DNHD1: variants seen among roughly 807,000 people sequenced by gnomAD.
DNHD1 encodes the protein dynein heavy chain domain-containing protein 1.
DNHD1 carries 383 observed loss-of-function variants against 458.1 expected under a neutral mutation model. The observed-to-expected ratio is 0.84, with a 90% CI of 0.77 to 0.91. The LOEUF is 0.91. Among genes scored for constraint, DNHD1 ranks in the 40% least tolerant of loss-of-function variants. The pLI, the probability that DNHD1 is intolerant of heterozygous loss-of-function variation, is 0.00. For synonymous variants in DNHD1, 2,203 were observed against 2,376.9 expected (o/e 0.93, Z 2.13); for missense variants, 5,336 against 5,866.1 (o/e 0.91, Z 2.95).
chr11:6,521,007 C>A, intron 10 of DNHD1: 1 of 325,070 alleles, frequency 3.1e-6, no homozygotes, highest in Non-Finnish European at 4.4e-6. Flanking sequence ...GTGTCTTTTA[C>A]AAATTATACA....
chr11:6,552,468 G>A (rs1027331206), intron 24 of DNHD1, among the ~76,000 whole-genome samples: 8 of 152,008 alleles, frequency 5.3e-5, no homozygotes, highest in East Asian at 1.9e-4. Flanking sequence ...AGGTTGCAAC[G>A]AGCCAGGATC....
chr11:6,545,192 A>G lies in DNHD1; in HGVS notation c.4253A>G (p.Gln1418Arg), dbSNP rs776999222. ...GAGTCAAGCCCAAACACACAGACTCAGGTGGAGGCACTTGCAGTGCTAGGG... is the reference window on the plus strand; with the variant it reads ...GAGTCAAGCCCAAACACACAGACTCGGGTGGAGGCACTTGCAGTGCTAGGG... ...DWESSPNTQT[Q>R]VEALAVLGAG... Residue 1418 changes from glutamine (Q) to arginine (R), a missense_variant, in exon 21 of 43, where the codon CAG becomes CGG. By Grantham distance (43) the Gln-to-Arg change is conservative. Coordinates refer to ENST00000254579, the MANE Select transcript of DNHD1 (RefSeq NM_144666.3). This position sits in a 1 kb window ranked among gnomAD's most constrained non-coding sequence, Gnocchi z 4.9. The G allele has an allele frequency of 3.4e-5, 52 of 1,551,872 alleles. No individual in the cohort carries two copies. The highest frequency in any genetic ancestry group is 4.0e-5 in the Non-Finnish European group (46 of 1,147,070).
chr11:6,538,931 C>T (rs1220623353), intron 16 of DNHD1, 121 bp downstream of exon 16: 1 of 1,098,710 alleles, frequency 9.1e-7, no homozygotes, highest in East Asian at 2.6e-5. Context: ...TTCTCCCTAC[C>T]TTTCCCACAT....
At chr11:6,532,371 G>A (rs1276973049) in intron 12 of DNHD1, among the ~76,000 whole-genome samples, 1 of 152,122 alleles carries the variant, frequency 6.6e-6, no homozygotes, top group Non-Finnish European at 1.5e-5. Context: ...TGTTCATACT[G>A]CCAAGGGCAG....
chr11:6,544,792 A>T lies in DNHD1; in HGVS notation c.3853A>T (p.Asn1285Tyr). The T allele has an allele frequency of 6.5e-7, 1 of 1,550,294 alleles. No individual in the cohort carries two copies. Among genetic ancestry groups the T allele is most frequent in the South Asian group, 1.2e-5 (1 of 84,048 alleles). The change falls in exon 21 of 43, where the codon AAC (asparagine) becomes TAC (tyrosine). Residue 1285 changes from asparagine to tyrosine, a missense_variant and splice_region_variant. Physicochemically the swap from Asn to Tyr is moderately radical, Grantham distance 143 (BLOSUM62 -2). This residue lies in a region of DNHD1 where 3,932 missense variants were observed against 4,365.6 expected (regional missense o/e 0.90). Transcript: ENST00000254579. Reference protein sequence around the residue: ...MKIQFPNADLNSRFKVMDDQY... With the variant: ...MKIQFPNADLYSRFKVMDDQY... ...ACTTTTATCCTCTCCCTCACCACAG[A>T]ACTCTCGTTTCAAGGTCATGGATGA...
intron 24 of DNHD1, among the ~76,000 whole-genome samples, chr11:6,551,742 A>G (rs181218254): frequency 3.3e-5 from 5 of 152,208 alleles, no homozygotes; most frequent in African/African-American, 4.8e-5. Flanking sequence ...GGAGATGGAG[A>G]CCATCCTGGC....
In DNHD1 at chr11:6,508,923, G is replaced by A. The variant is rs773625042; in HGVS notation, c.964G>A (p.Glu322Lys). 1.4e-5 allele frequency: 22 copies of A among 1,613,986 alleles called. No homozygotes were observed. The highest frequency in any genetic ancestry group is 1.2e-4 in the African/African-American group (9 of 74,888). The change falls in exon 5 of 43, where the codon GAG (glutamate) becomes AAG (lysine). Residue 322 changes from glutamate (E) to lysine (K), a missense_variant. By Grantham distance (56) the Glu-to-Lys change is moderately conservative. Coordinates refer to ENST00000254579, the MANE Select transcript of DNHD1 (RefSeq NM_144666.3). Reference sequence around the variant, plus strand: ...GGTGCCACCCGACAAGGTGAATCCCGAGCACTACATCTTCTCTCCCTTTGG... The same window carrying A: ...GGTGCCACCCGACAAGGTGAATCCCAAGCACTACATCTTCTCTCCCTTTGG... ...MVVPPDKVNP[E>K]HYIFSPFGIL...
chr11:6,510,005 T>A (rs920047622), intron 6 of DNHD1, among the ~76,000 whole-genome samples: 1 of 152,220 alleles, frequency 6.6e-6, no homozygotes, highest in African/African-American at 2.4e-5. Context: ...TACCTTACAT[T>A]TCAGGATTTC....
rs1295417609 is a variant in DNHD1, at chr11:6,570,895, T to TCGCCAAGACGAGTCCGA, written c.13388_13404dup (p.Pro4469LysfsTer23). 6.2e-7 allele frequency: 1 copy of TCGCCAAGACGAGTCCGA among 1,613,778 alleles called. No homozygotes were observed. The highest frequency in any genetic ancestry group is 1.3e-5 in the African/African-American group (1 of 74,954). Reference sequence around the variant, plus strand: ...TGCAGGATCTGCTGACCCACGTGATTCGCCAAGACGAGTCCGACGCCCCGT... The same window carrying TCGCCAAGACGAGTCCGA: ...TGCAGGATCTGCTGACCCACGTGATTCGCCAAGACGAGTCCGACGCCAAGACGAGTCCGACGCCCCGT... On this transcript the variant is annotated frameshift_variant, in exon 42 of 43. Coordinates refer to ENST00000254579, the MANE Select transcript of DNHD1 (RefSeq NM_144666.3). LOFTEE classifies it high-confidence loss of function.
intron 39 of DNHD1, among the ~76,000 whole-genome samples, chr11:6,569,652 G>A (rs929059124): frequency 6.6e-6 from 1 of 152,186 alleles, no homozygotes; most frequent in Non-Finnish European, 1.5e-5. Context: ...GGCAAGCAGA[G>A]CAGCTTTAGG....
chr11:6,558,337 T>TAA, intron 25 of DNHD1, 40 bp downstream of exon 25: 1 of 1,539,568 alleles, frequency 6.5e-7, no homozygotes, highest in Non-Finnish European at 8.8e-7. Flanking sequence ...GCTCTGCTCT[T>TAA]ACGCTGTCTT....
chr11:6,513,903 G>T (rs1589868936), intron 7 of DNHD1, among the ~76,000 whole-genome samples: 1 of 152,074 alleles, frequency 6.6e-6, no homozygotes, highest in East Asian at 1.9e-4. Flanking sequence ...GAATGCAATG[G>T]TGCAATCTTG....
At chr11:6,560,356 C>T (rs143528124) in intron 28 of DNHD1, among the ~76,000 whole-genome samples, 15 of 152,268 alleles carry the variant, frequency 9.9e-5, no homozygotes, top group African/African-American at 3.4e-4. Context: ...ATATGGTTTT[C>T]ACTGTGTTTT....
intron 4 of DNHD1, chr11:6,508,454 T>C (rs1852270213): frequency 6.3e-6 from 1 of 159,250 alleles, no homozygotes; most frequent in Admixed American, 6.1e-5. Context: ...GTGTATTTTA[T>C]CATGTCTAGA....
intron 14 of DNHD1, among the ~76,000 whole-genome samples, chr11:6,538,123 G>GA (rs1388795302): frequency 6.6e-6 from 1 of 152,178 alleles, no homozygotes; most frequent in African/African-American, 2.4e-5. Flanking sequence ...GAGTGAATGA[G>GA]ATGGAGACTA....
chr11:6,512,227 T>C (rs60683815), intron 7 of DNHD1, among the ~76,000 whole-genome samples: 2 of 130,620 alleles, frequency 1.5e-5, no homozygotes, highest in Non-Finnish European at 3.2e-5. Context: ...TTTTTTTTTT[T>C]TTTTTTTTTT....
Position 6,533,828 on chromosome 11 carries a change from T to C in DNHD1, c.2653T>C (p.Ser885Pro). The C allele has an allele frequency of 6.5e-7, 1 of 1,547,866 alleles. No homozygotes were observed. Among genetic ancestry groups the C allele is most frequent in the Non-Finnish European group, 8.7e-7 (1 of 1,145,562 alleles). ...CTCGGTGAGAAGGCAATTCGGGGAGTCACCCATCCCTCCCTGCCCTCCTCC... is the reference window on the plus strand; with the variant it reads ...CTCGGTGAGAAGGCAATTCGGGGAGCCACCCATCCCTCCCTGCCCTCCTCC... ...DISVRRQFGE[S>P]PIPPCPPPPQ... The change falls in exon 14 of 43, where the codon TCA becomes CCA. Residue 885 changes from serine to proline, a missense_variant. By Grantham distance (74) the Ser-to-Pro change is moderately conservative. This residue lies in a region of DNHD1 where 3,932 missense variants were observed against 4,365.6 expected (regional missense o/e 0.90). Coordinates refer to ENST00000254579, the MANE Select transcript of DNHD1 (RefSeq NM_144666.3).
intron 24 of DNHD1, among the ~76,000 whole-genome samples, chr11:6,555,671 G>C (rs532797108): frequency 3.9e-5 from 6 of 152,296 alleles, no homozygotes; most frequent in Middle Eastern, 6.8e-3. Context: ...AAAACCTGCT[G>C]AGTAAAAGAA....
chr11:6,514,692 C>T (rs1852421083), intron 7 of DNHD1, among the ~76,000 whole-genome samples: 1 of 151,954 alleles, frequency 6.6e-6, no homozygotes, highest in Non-Finnish European at 1.5e-5. Flanking sequence ...TTCCCATTTC[C>T]TTTATCATTT....
Sources: allele counts gnomAD v4.1 joint callset (sites outside exome capture counted in the v4.1 genomes callset), GRCh38; gene constraint gnomAD v4.1.1; regional missense constraint gnomAD v4.1.1; non-coding constraint Gnocchi (gnomAD v3.1); transcripts MANE v1.5; gene names NCBI Gene and HGNC (gene_info 2026-07-23, HGNC 2026-07-21).